ADGB: variants seen among roughly 807,000 people sequenced by gnomAD.
ADGB encodes the protein androglobin, also known as calpain-7-like protein.
In ADGB, 172 loss-of-function variants were observed where a neutral mutation model predicts 210.5. That is an observed-to-expected ratio of 0.82 (90% confidence interval 0.72 to 0.93). The LOEUF is 0.93. Among genes scored for constraint, ADGB ranks in the 40% least tolerant of loss-of-function variants. The probability of loss-of-function intolerance (pLI) is 0.00; values close to 1 mark genes in which losing one functional copy is unlikely to be tolerated. For synonymous variants in ADGB, 658 were observed against 662.7 expected, an observed-to-expected ratio of 0.99 and a Z score of 0.11; for missense variants, 2,025 against 1,964.8, an observed-to-expected ratio of 1.03 and a Z score of -0.58.
chr6:146,741,614 C>G (rs1188030211), intron 25 of ADGB, among the ~76,000 whole-genome samples: 1 of 152,118 alleles, frequency 6.6e-6, no homozygotes, highest in Non-Finnish European at 1.5e-5. Flanking sequence ...AAAACCAAAT[C>G]ATATGATTAT....
At chr6:146,763,584 T>C (rs964337479) in intron 27 of ADGB, among the ~76,000 whole-genome samples, 8 of 152,198 alleles carry the variant, frequency 5.3e-5, no homozygotes, top group African/African-American at 1.9e-4. Flanking sequence ...TATGTGGCAT[T>C]AAACACAGAA....
chr6:146,620,347 A>G (rs1780870093), intron 1 of ADGB, among the ~76,000 whole-genome samples: 2 of 151,954 alleles, frequency 1.3e-5, no homozygotes, highest in Admixed American at 1.3e-4. Context: ...TTCAGCCATT[A>G]TTTCTTTAGA....
intron 3 of ADGB, 98 bp from the exon 4 acceptor site, chr6:146,654,037 A>C (rs1172508841): frequency 1.3e-6 from 1 of 745,092 alleles, no homozygotes; most frequent in African/African-American, 1.8e-5. Context: ...AATTCAAAAA[A>C]TTGCAACTTC....
chr6:146,773,633 T>C (rs1158034978), intron 29 of ADGB, among the ~76,000 whole-genome samples: 1 of 152,192 alleles, frequency 6.6e-6, no homozygotes, highest in Admixed American at 6.5e-5. Context: ...GATGAAGAAA[T>C]GAGCCTTAGA....
intron 20 of ADGB, among the ~76,000 whole-genome samples, chr6:146,730,112 T>C (rs961938550): frequency 1.3e-5 from 2 of 152,252 alleles, no homozygotes; most frequent in Middle Eastern, 3.4e-3. Context: ...TATACTACTG[T>C]CCTAGTATAC....
chr6:146,733,215 C>A lies in ADGB; in HGVS notation c.2616C>A (p.Asp872Glu). 6.5e-7 allele frequency: 1 copy of A among 1,540,470 alleles called. No individual in the cohort carries two copies. The highest frequency in any genetic ancestry group is 8.8e-7 in the Non-Finnish European group (1 of 1,140,906). Residue 872 changes from aspartate (D) to glutamate (E), a missense_variant, in exon 21 of 36, where the codon GAC becomes GAA. Transcript: ENST00000397944. ...FKFAFRAMVL[D>E]LELLNSSLEE... ...TTGCATTCCGGGCTATGGTTTTGGA[C>A]TTGGAGTTACTCAATTCCTCCTTGG...
At chr6:146,788,347 T>C in intron 32 of ADGB, 42 bp from the exon 33 acceptor site, 8 of 1,522,110 alleles carry the variant, frequency 5.3e-6, no homozygotes, top group South Asian at 4.8e-5. Flanking sequence ...TGTGATTTCA[T>C]GGAACGCCAG....
At chr6:146,706,845 G>GTTTTTTTTTTTTT (rs34520729) in intron 13 of ADGB, among the ~76,000 whole-genome samples, 1 of 100,734 alleles carries the variant, frequency 9.9e-6, no homozygotes, top group Non-Finnish European at 1.9e-5. Flanking sequence ...TCAGCTTAGT[G>GTTTTTTTTTTTTT]TTTTTTTTTT....
rs551571613 is a variant in ADGB at position 146,785,646 on chromosome 6, A to C, written c.4249A>C (p.Ile1417Leu). ...QARLHYLSGF[I>L]KKTSDAESPP... Reference sequence around the variant, plus strand: ...TCGTTTGCATTACCTTAGCGGGTTCATTAAGAAAACATCTGATGCTGAGAG... The same window carrying C: ...TCGTTTGCATTACCTTAGCGGGTTCCTTAAGAAAACATCTGATGCTGAGAG... The change falls in exon 32 of 36, where the codon ATT becomes CTT. Residue 1417 changes from isoleucine (I) to leucine (L), a missense_variant. By Grantham distance (5) the Ile-to-Leu change is conservative (BLOSUM62 2). Coordinates refer to ENST00000397944, the MANE Select transcript of ADGB (RefSeq NM_024694.4). The C allele has an allele frequency of 7.1e-6, 11 of 1,551,250 alleles. No individual in the cohort carries two copies. The East Asian group carries it at 2.7e-4, about 38-fold the overall frequency.
intron 1 of ADGB, among the ~76,000 whole-genome samples, chr6:146,617,084 A>AT (rs529857413): frequency 2.6e-5 from 4 of 151,624 alleles, no homozygotes; most frequent in South Asian, 2.1e-4. Context: ...TGAGAATGAG[A>AT]TTTTTTTTCA....
At chr6:146,784,551 A>T (rs1252150563) in intron 30 of ADGB, 67 bp from the exon 31 acceptor site, 1 of 1,217,166 alleles carries the variant, frequency 8.2e-7, no homozygotes, top group African/African-American at 1.6e-5. Context: ...TATGTATCAT[A>T]TGGTAAAATC....
At chr6:146,809,204 C>T (rs1302926816) in intron 35 of ADGB, among the ~76,000 whole-genome samples, 1 of 152,180 alleles carries the variant, frequency 6.6e-6, no homozygotes, top group African/African-American at 2.4e-5. Flanking sequence ...AGCCCTGCCT[C>T]AGTTTTTGTC....
chr6:146,725,953 T>C, intron 18 of ADGB, 130 bp from the exon 19 acceptor site: 1 of 559,020 alleles, frequency 1.8e-6, no homozygotes, highest in Non-Finnish European at 3.3e-6. Flanking sequence ...TTATCTCATC[T>C]GTGTTAAAAA....
rs189826582 is a variant in ADGB at position 146,651,886 on chromosome 6, G to A, written c.331-2249G>A. On this transcript the variant is annotated intron_variant, in intron 3 of 35. Transcript: ENST00000397944. ...AAAAAGTTTCAAAATGCATTTTGAA[G>A]CTAAGCTACTCGATTACACTGTTAT... Among the ~76,000 whole-genome samples, 371 of 152,226 alleles carry A rather than the reference G, an allele frequency of 2.4e-3. 3 individuals carry two copies. The highest frequency in any genetic ancestry group is 8.4e-3 in the Admixed American group (129 of 15,274).
intron 5 of ADGB, among the ~76,000 whole-genome samples, chr6:146,660,625 T>C (rs1280424493): frequency 1.3e-5 from 2 of 152,162 alleles, no homozygotes; most frequent in African/African-American, 2.4e-5. Context: ...AAATATAATA[T>C]ATATTGCTAA....
intron 20 of ADGB, among the ~76,000 whole-genome samples, chr6:146,729,321 C>T (rs1358603986): frequency 6.6e-6 from 1 of 152,216 alleles, no homozygotes; most frequent in Non-Finnish European, 1.5e-5. Context: ...TTATTATTCT[C>T]TCTTCTTCAA....
chr6:146,683,471 T>G (rs1276101152), intron 9 of ADGB, among the ~76,000 whole-genome samples: 2 of 152,162 alleles, frequency 1.3e-5, no homozygotes, highest in Admixed American at 1.3e-4. Context: ...AATTAATCTG[T>G]GCCCATGCTA....
At chr6:146,648,487 C>A (rs143999524) in intron 3 of ADGB, among the ~76,000 whole-genome samples, 4 of 152,190 alleles carry the variant, frequency 2.6e-5, no homozygotes, top group Middle Eastern at 3.4e-3. Flanking sequence ...AGGAAATTTA[C>A]AATCATGGCA....
Position 146,691,451 on chromosome 6 carries a change from T to TA in ADGB, c.1486+162dup, listed in dbSNP as rs1368330327. Among the ~76,000 whole-genome samples, 86 of 19,942 alleles carry TA rather than the reference T, an allele frequency of 4.3e-3. 9 individuals are homozygous for TA. Among genetic ancestry groups the TA allele is most frequent in the Middle Eastern group, 0.03 (3 of 100 alleles). 13.1% of individuals were successfully genotyped at this position (19,942 alleles called of 152,430 possible). The stretch of plus-strand genomic sequence containing the variant: ...ATATATATATATATATAAAAATATA[T>TA]ATATATAAAAATATATATATATATA... On this transcript the variant is annotated intron_variant, in intron 11 of 35. Coordinates refer to ENST00000397944, the MANE Select transcript of ADGB (RefSeq NM_024694.4).
Sources: allele counts gnomAD v4.1 joint callset (sites outside exome capture counted in the v4.1 genomes callset), GRCh38; gene constraint gnomAD v4.1.1; transcripts MANE v1.5; gene names NCBI Gene and HGNC (gene_info 2026-07-23, HGNC 2026-07-21).